OTUD7B: variants seen among roughly 807,000 people sequenced by gnomAD.
The protein encoded by OTUD7B is OTU deubiquitinase 7B, also known as OTU domain-containing protein 7B.
In OTUD7B, 34 loss-of-function variants were observed where a neutral mutation model predicts 82.2. The observed-to-expected ratio is 0.41, with a 90% CI of 0.31 to 0.55. OTUD7B has a LOEUF of 0.55. OTUD7B is among the 20% of genes least tolerant of loss of function. The pLI, the probability that OTUD7B is intolerant of heterozygous loss-of-function variation, is 0.20. For synonymous variants in OTUD7B, 398 were observed against 402.7 expected, an observed-to-expected ratio of 0.99 and a Z score of 0.14; for missense variants, 944 against 1,062.1, an observed-to-expected ratio of 0.89 and a Z score of 1.55.
the OTUD7B span, among the ~76,000 whole-genome samples, chr1:150,040,429 A>T: frequency 6.6e-6 from 1 of 152,194 alleles, no homozygotes; most frequent in African/African-American, 2.4e-5. Flanking sequence ...TCTAGTAGAT[A>T]TCCATGATCT....
intron 10 of OTUD7B, among the ~76,000 whole-genome samples, chr1:149,947,717 G>T (rs1171359305): frequency 6.6e-6 from 1 of 152,064 alleles, no homozygotes; most frequent in African/African-American, 2.4e-5. Context: ...TTTTTAAAAA[G>T]CCATAAACTC....
chr1:149,948,835 C>A (rs1352917837), intron 10 of OTUD7B, 134 bp downstream of exon 10: 1 of 626,512 alleles, frequency 1.6e-6, no homozygotes, highest in Admixed American at 2.7e-5. Context: ...CTCTCCTCTA[C>A]CTCCCCATCT....
intron 7 of OTUD7B, among the ~76,000 whole-genome samples, chr1:149,958,738 G>C (rs1648906960): frequency 1.8e-5 from 1 of 56,820 alleles, no homozygotes; most frequent in South Asian, 8.4e-4. Flanking sequence ...CATCCCAACT[G>C]GTTGATGTCT....
the OTUD7B span, among the ~76,000 whole-genome samples, chr1:150,023,479 T>C: frequency 6.6e-6 from 1 of 152,144 alleles, no homozygotes; most frequent in Non-Finnish European, 1.5e-5. Context: ...GGAAATCTTA[T>C]TTACAACATG....
At chr1:150,064,689 A>C in the OTUD7B span, among the ~76,000 whole-genome samples, 1 of 152,146 alleles carries the variant, frequency 6.6e-6, no homozygotes, top group Non-Finnish European at 1.5e-5. Flanking sequence ...TTCTTTATGC[A>C]AATATTTTTT....
the OTUD7B span, among the ~76,000 whole-genome samples, chr1:150,022,894 C>T: frequency 6.6e-6 from 1 of 152,344 alleles, no homozygotes; most frequent in Middle Eastern, 3.4e-3. Context: ...GCAGCAGCCA[C>T]AGCAACCACA....
intron 2 of OTUD7B, among the ~76,000 whole-genome samples, chr1:149,972,666 G>C (rs587730308): frequency 6.6e-6 from 1 of 152,232 alleles, no homozygotes; most frequent in South Asian, 2.1e-4. Flanking sequence ...CATGAAGGCA[G>C]GTATTTTTGT....
chr1:150,010,118 C>A (rs994952786), intron 1 of OTUD7B, among the ~76,000 whole-genome samples: 7 of 152,132 alleles, frequency 4.6e-5, no homozygotes, highest in Non-Finnish European at 8.8e-5. Context: ...GCATCTTAAT[C>A]ACCTTAAAAC....
chr1:150,037,784 T>C, the OTUD7B span, among the ~76,000 whole-genome samples: 1 of 152,096 alleles, frequency 6.6e-6, no homozygotes, highest in South Asian at 2.1e-4. Context: ...GAGACGGGGT[T>C]TCAATCATTC....
At chr1:149,958,240 T>C (rs1390201931) in intron 7 of OTUD7B, among the ~76,000 whole-genome samples, 1 of 151,936 alleles carries the variant, frequency 6.6e-6, no homozygotes, top group Non-Finnish European at 1.5e-5. Context: ...CCAGAGAATT[T>C]TGAAGCAAAT....
In OTUD7B at chr1:149,967,309, C is replaced by A; in HGVS notation, c.487G>T (p.Ala163Ser). ...ACTCACTGACCTGCCTGTTCCAAGGCAACCAGCATGGACTGCTCAATGAGG... is the reference window on the plus strand; with the variant it reads ...ACTCACTGACCTGCCTGTTCCAAGGAAACCAGCATGGACTGCTCAATGAGG... ...RDLIEQSMLV[A>S]LEQAGRLNWW... The change falls in exon 4 of 12, where the codon GCC becomes TCC. Residue 163 changes from alanine to serine, a missense_variant. Physicochemically the swap from Ala to Ser is moderately conservative, Grantham distance 99. Around this residue, in one of 3 missense-constraint regions of OTUD7B, gnomAD observed 530 missense variants for 625.6 expected, o/e 0.85. Coordinates refer to ENST00000581312, the MANE Select transcript of OTUD7B (RefSeq NM_020205.4). 1 of 1,612,794 alleles carries A rather than the reference C, an allele frequency of 6.2e-7. No individual in the cohort carries two copies. The highest frequency in any genetic ancestry group is 1.1e-5 in the South Asian group (1 of 90,906).
intron 7 of OTUD7B, among the ~76,000 whole-genome samples, chr1:149,950,954 GT>G (rs1458002206): frequency 1 from 127,172 of 127,364 alleles, 63,518 homozygotes; most frequent in Non-Finnish European, 1. Context: ...ACCTCGCCCG[GT>G]CTAATTTTTT....
chr1:149,948,992 A>G lies in OTUD7B; in HGVS notation c.1215T>C (p.Asp405=), dbSNP rs782004109. The G allele has an allele frequency of 2.7e-5, 43 of 1,612,796 alleles. No homozygotes were observed. The highest frequency in any genetic ancestry group is 4.0e-5 in the African/African-American group (3 of 74,894). ...ACCTGGCCAATCGGACATTGTCACT[A>G]TCATCTTTGCCCCACTCCCAGCCCT... is the stretch of plus-strand genomic sequence containing the variant. ...PGKGWEWGKD[D]SDNVRLASVI... The change falls in exon 10 of 12, where the codon GAT becomes GAC. Residue 405 remains aspartate (D), a synonymous_variant. Transcript: ENST00000581312.
intron 7 of OTUD7B, among the ~76,000 whole-genome samples, chr1:149,954,201 ATTATT>A (rs1648485446): frequency 6.6e-6 from 1 of 152,120 alleles, no homozygotes; most frequent in African/African-American, 2.4e-5. Flanking sequence ...AATAGCTCTT[ATTATT>A]TTGAGATACG....
intron 1 of OTUD7B, among the ~76,000 whole-genome samples, chr1:149,998,682 T>C (rs1287386446): frequency 1.3e-5 from 2 of 152,260 alleles, no homozygotes; most frequent in African/African-American, 4.8e-5. Flanking sequence ...TATCTATTTA[T>C]GCAAATATTC....
chr1:149,946,441 T>C (rs1185325912), intron 11 of OTUD7B, among the ~76,000 whole-genome samples: 1 of 151,298 alleles, frequency 6.6e-6, no homozygotes, highest in Non-Finnish European at 1.5e-5. Flanking sequence ...AGACTAACGG[T>C]TTTTAAAAAG....
chr1:150,020,361 C>T, the OTUD7B span, among the ~76,000 whole-genome samples: 5 of 152,068 alleles, frequency 3.3e-5, no homozygotes, highest in Non-Finnish European at 7.4e-5. Context: ...CATGGTGAAA[C>T]CCTGTCTCTA....
rs1553777553 is a variant in OTUD7B at position 149,971,145 on chromosome 1, C to T, written c.192G>A (p.Arg64=). 1 of 1,613,676 alleles carries T rather than the reference C, an allele frequency of 6.2e-7. No individual in the cohort carries two copies. The highest frequency in any genetic ancestry group is 2.2e-5 in the East Asian group (1 of 44,880). ...TGTCAGAAAACCCTTTTTCAGGGGT[C>T]CTGGAGCCACCACTCCCCTCACTAA... ...PSFSEGSGGS[R]TPEKGFSDRE... Residue 64 remains arginine (R), a synonymous_variant, in exon 3 of 12, where the codon AGG becomes AGA. Transcript: ENST00000581312.
Position 149,944,904 on chromosome 1 carries a change from G to A in OTUD7B, c.1485C>T (p.Asp495=). The change falls in exon 12 of 12, where the codon GAC becomes GAT. Residue 495 remains aspartate (D), a synonymous_variant. Transcript: ENST00000581312. ...KEKSKRDREK[D]KKRADSVANK... ...TAGCCACAGAATCTGCTCTCTTCTT[G>A]TCCTTCTCCCGATCTCGCTTTGACT... The A allele has an allele frequency of 6.2e-7, 1 of 1,614,110 alleles. No individual in the cohort carries two copies. The highest frequency in any genetic ancestry group is 8.5e-7 in the Non-Finnish European group (1 of 1,180,028).
Sources: allele counts gnomAD v4.1 joint callset (sites outside exome capture counted in the v4.1 genomes callset), GRCh38; gene constraint gnomAD v4.1.1; regional missense constraint gnomAD v4.1.1; transcripts MANE v1.5; gene names NCBI Gene and HGNC (gene_info 2026-07-23, HGNC 2026-07-21).